TMEM131: variants seen among roughly 807,000 people sequenced by gnomAD.
TMEM131 encodes transmembrane protein 131.
In TMEM131, 66 loss-of-function variants were observed where a neutral mutation model predicts 211.6. The observed-to-expected ratio is 0.31, with a 90% CI of 0.26 to 0.38. TMEM131 has a LOEUF of 0.38. Ranked by LOEUF, TMEM131 falls within the 10% of genes least tolerant of loss-of-function variation. TMEM131 has a pLI of 1.00. For missense variants in TMEM131, 2,036 were observed against 2,299.3 expected (o/e 0.89, Z 2.34); for synonymous variants, 844 against 841.3 (o/e 1.00, Z -0.06).
intron 4 of TMEM131, among the ~76,000 whole-genome samples, chr2:97,885,132 G>C (rs973823426): frequency 2.6e-5 from 4 of 152,132 alleles, no homozygotes; most frequent in Non-Finnish European, 4.4e-5. Flanking sequence ...AGATATAAGA[G>C]TCCCTTAAGC....
intron 1 of TMEM131, among the ~76,000 whole-genome samples, chr2:97,943,037 A>AAAAGAAAAGGAAAGAAAGAAAGAAAG (rs1559464422): frequency 3.0e-5 from 2 of 66,058 alleles, no homozygotes; most frequent in East Asian, 7.4e-4. Context: ...AAAAGAAAAG[A>AAAAGAAAAGGAAAGAAAGAAAGAAAG]AAAGAAAGAA....
Position 97,790,269 on chromosome 2 carries a change from ACTGT to A in TMEM131, c.4144+2113_4144+2116del, listed in dbSNP as rs545588356. 2.8e-3 allele frequency among the ~76,000 whole-genome samples: 430 copies of A among 152,344 alleles called. 4 individuals carry two copies. Among genetic ancestry groups the A allele is most frequent in the Admixed American group, 0.011 (167 of 15,304 alleles). On this transcript the variant is annotated intron_variant, in intron 31 of 40. Coordinates refer to ENST00000186436, the MANE Select transcript of TMEM131 (RefSeq NM_015348.2). ...CCACCTTTTAAAGTTCATTTTAAAG[ACTGT>A]CTGTCTATATGCATGCTATACTTCA...
chr2:97,804,645 G>C (rs1049212534), intron 22 of TMEM131, among the ~76,000 whole-genome samples: 6 of 145,840 alleles, frequency 4.1e-5, no homozygotes, highest in Non-Finnish European at 4.5e-5. Context: ...AAAAAAAAAG[G>C]AAGGAGGTAT....
intron 19 of TMEM131, among the ~76,000 whole-genome samples, chr2:97,806,495 C>T (rs573269583): frequency 1.4e-4 from 21 of 152,010 alleles, no homozygotes; most frequent in African/African-American, 2.2e-4. Context: ...GAGCCGAGAT[C>T]GTACCACGGC....
intron 1 of TMEM131, among the ~76,000 whole-genome samples, chr2:97,969,271 G>A (rs980832586): frequency 3.9e-5 from 6 of 152,046 alleles, no homozygotes; most frequent in African/African-American, 1.2e-4. Flanking sequence ...AAGGCCAGCC[G>A]CCTAATGATA....
In TMEM131 at chr2:97,795,127, T is replaced by G; in HGVS notation, c.3201-12A>C. 1 of 1,603,520 alleles carries G rather than the reference T, an allele frequency of 6.2e-7. No homozygotes were observed. The highest frequency in any genetic ancestry group is 8.5e-7 in the Non-Finnish European group (1 of 1,173,700). On this transcript the variant is annotated splice_polypyrimidine_tract_variant and intron_variant, in intron 28 of 40. Transcript: ENST00000186436. ...AATCAGGAGTAAACCTAAAACAGAA[T>G]GATGGTAGTAAGGCTAAGTTTTAAA... is the stretch of plus-strand genomic sequence containing the variant.
chr2:97,893,001 A>G (rs1021636519), intron 3 of TMEM131, among the ~76,000 whole-genome samples: 29 of 152,062 alleles, frequency 1.9e-4, no homozygotes, highest in African/African-American at 6.3e-4. Context: ...GCACCCATCA[A>G]CCCATCACCT....
intron 4 of TMEM131, among the ~76,000 whole-genome samples, chr2:97,867,533 T>A (rs1674321366): frequency 6.6e-6 from 1 of 152,206 alleles, no homozygotes; most frequent in Admixed American, 6.5e-5. Flanking sequence ...TAGTGGTCAC[T>A]GGGGAAGGGG....
intron 1 of TMEM131, among the ~76,000 whole-genome samples, chr2:97,970,776 G>C (rs1487582936): frequency 6.6e-6 from 1 of 152,154 alleles, no homozygotes; most frequent in East Asian, 1.9e-4. Context: ...GGTCTGCCAT[G>C]CTGGACATAT....
intron 5 of TMEM131, among the ~76,000 whole-genome samples, chr2:97,858,971 C>T (rs1673958059): frequency 6.6e-6 from 1 of 152,156 alleles, no homozygotes; most frequent in South Asian, 2.1e-4. Context: ...CCACAAGTCT[C>T]AAGTTTGTGG....
At chr2:97,762,315 C>G (rs1678895856) in intron 35 of TMEM131, 115 bp from the exon 36 acceptor site, 2 of 1,032,452 alleles carry the variant, frequency 1.9e-6, no homozygotes, top group Non-Finnish European at 2.8e-6. Flanking sequence ...ACAAAGAAAA[C>G]AAACGAAAGC....
chr2:97,943,093 G>A (rs988985925), intron 1 of TMEM131, among the ~76,000 whole-genome samples: 1 of 147,950 alleles, frequency 6.8e-6, no homozygotes, highest in Non-Finnish European at 1.5e-5. Context: ...AAGAAAGAAA[G>A]AAAGAAAGAG....
At chr2:97,968,381 A>G (rs572851098) in intron 1 of TMEM131, among the ~76,000 whole-genome samples, 27 of 152,274 alleles carry the variant, frequency 1.8e-4, no homozygotes, top group African/African-American at 6.3e-4. Flanking sequence ...AGACACCAAC[A>G]TGAACTTCGG....
At chr2:97,943,042 AAAG>A (rs1159461593) in intron 1 of TMEM131, among the ~76,000 whole-genome samples, 107 of 48,188 alleles carry the variant, frequency 2.2e-3, no homozygotes, top group Admixed American at 6.9e-3. Context: ...AAAAGAAAAG[AAAG>A]AAAGAAAGAA....
chr2:97,760,251 C>G (rs1332954500), intron 38 of TMEM131: 1 of 309,680 alleles, frequency 3.2e-6, no homozygotes, highest in East Asian at 7.2e-5. Context: ...GATTTCCCCC[C>G]TCCCAAGTCA....
chr2:97,790,486 T>A (rs530244944), intron 31 of TMEM131, among the ~76,000 whole-genome samples: 3 of 152,164 alleles, frequency 2.0e-5, no homozygotes, highest in Non-Finnish European at 4.4e-5. Flanking sequence ...TCTTAGTAGG[T>A]TGACTCTAGG....
chr2:97,958,673 G>T (rs1239758793), intron 1 of TMEM131, among the ~76,000 whole-genome samples: 2 of 152,192 alleles, frequency 1.3e-5, no homozygotes, highest in Non-Finnish European at 2.9e-5. Flanking sequence ...GATTTGAAGG[G>T]GCATATGAAG....
intron 1 of TMEM131, among the ~76,000 whole-genome samples, chr2:97,976,960 CAAAAAA>C (rs34708023): frequency 3.6e-5 from 4 of 112,188 alleles, no homozygotes; most frequent in African/African-American, 1.4e-4. Context: ...TATTTATATG[CAAAAAA>C]AAAAAAAAAA....
At chr2:97,798,120 C>T (rs761684731) in intron 25 of TMEM131, among the ~76,000 whole-genome samples, 6 of 152,234 alleles carry the variant, frequency 3.9e-5, no homozygotes, top group African/African-American at 9.6e-5. Context: ...AGGTTACACA[C>T]GCTTACTGTT....
Sources: gnomAD v4.1 joint callset for allele counts (sites outside exome capture counted in the v4.1 genomes callset) on GRCh38, gnomAD v4.1.1 for gene constraint, MANE v1.5 for transcripts, NCBI Gene and HGNC (gene_info 2026-07-23, HGNC 2026-07-21) for gene names.